ATXN7: variants seen among roughly 807,000 people sequenced by gnomAD.
ATXN7 encodes ataxin-7.
ATXN7 carries 12 observed loss-of-function variants against 70.5 expected under a neutral mutation model. The ratio of observed to expected loss-of-function variants is 0.17; its 90% CI spans 0.11 to 0.28. The LOEUF is 0.28. Ranked by LOEUF, ATXN7 falls within the 10% of genes least tolerant of loss-of-function variation. ATXN7 has a pLI of 1.00. For missense variants in ATXN7, 1,256 were observed against 1,131.7 expected (o/e 1.11, Z -1.58); for synonymous variants, 498 against 448.7 (o/e 1.11, Z -1.39).
intron 1 of ATXN7, among the ~76,000 whole-genome samples, chr3:63,871,834 CATT>C (rs1350262793): frequency 6.0e-5 from 9 of 151,250 alleles, no homozygotes; most frequent in Admixed American, 5.3e-4. Context: ...GATTATTAAA[CATT>C]ATTATAATCT....
chr3:63,868,385 C>T (rs1702497964), intron 1 of ATXN7, among the ~76,000 whole-genome samples: 1 of 152,082 alleles, frequency 6.6e-6, no homozygotes, highest in African/African-American at 2.4e-5. Flanking sequence ...TAGAAGTTTC[C>T]CGTATAAAAG....
chr3:63,928,768 C>T (rs1704819046), intron 4 of ATXN7, among the ~76,000 whole-genome samples: 1 of 152,274 alleles, frequency 6.6e-6, no homozygotes, highest in African/African-American at 2.4e-5. Flanking sequence ...CTTATTTCTG[C>T]ATGTTGAGCT....
rs750860702 is a variant in ATXN7 at position 63,980,127 on chromosome 3, A to C, written c.712A>C (p.Met238Leu). Reference protein sequence around the residue: ...KLQLRGNTRPMHPIQQSRVPH... With the variant: ...KLQLRGNTRPLHPIQQSRVPH... ...GCAGCTCAGGGGGAACACCAGGCCA[A>C]TGCATCCCATTCAGCAAAGTAGAGT... The change falls in exon 6 of 13, where the codon ATG (methionine) becomes CTG (leucine). Residue 238 changes from methionine to leucine, a missense_variant. Coordinates refer to ENST00000674280, the MANE Select transcript of ATXN7 (RefSeq NM_001377405.1). 6.2e-7 allele frequency: 1 copy of C among 1,614,230 alleles called. No individual in the cohort carries two copies. Among genetic ancestry groups the C allele is most frequent in the Admixed American group, 1.7e-5 (1 of 60,022 alleles).
intron 4 of ATXN7, among the ~76,000 whole-genome samples, chr3:63,922,447 G>A (rs1704548581): frequency 6.6e-6 from 1 of 152,188 alleles, no homozygotes; most frequent in Non-Finnish European, 1.5e-5. Flanking sequence ...GAAGCATGAT[G>A]TGGGTATTTA....
chr3:63,899,161 C>G (rs1333866318), intron 2 of ATXN7, among the ~76,000 whole-genome samples: 1 of 151,206 alleles, frequency 6.6e-6, no homozygotes, highest in East Asian at 2.0e-4. Flanking sequence ...CTCCTAGGTT[C>G]AAGTGATTTT....
intron 4 of ATXN7, among the ~76,000 whole-genome samples, chr3:63,940,751 A>G (rs902942115): frequency 4.6e-5 from 7 of 152,170 alleles, no homozygotes; most frequent in Non-Finnish European, 8.8e-5. Flanking sequence ...GGTTAAGTAC[A>G]TTGCTGGAGA....
intron 4 of ATXN7, among the ~76,000 whole-genome samples, chr3:63,917,814 C>G (rs1704343095): frequency 1.3e-5 from 2 of 152,184 alleles, no homozygotes; most frequent in Admixed American, 6.5e-5. Context: ...AATTGAGTCA[C>G]TCTAGTGTGT....
At chr3:63,997,714 TC>T (rs2075782952) in intron 12 of ATXN7, 3 of 1,551,158 alleles carry the variant, frequency 1.9e-6, no homozygotes. Context: ...TGATTTTTTT[TC>T]CCCTTCCTCG....
intron 4 of ATXN7, among the ~76,000 whole-genome samples, chr3:63,935,018 A>G (rs1264044860): frequency 4.6e-5 from 7 of 152,132 alleles, no homozygotes; most frequent in Admixed American, 4.6e-4. Context: ...TGTGCTTGAA[A>G]ACCACAACTT....
intron 9 of ATXN7, among the ~76,000 whole-genome samples, chr3:63,989,193 C>T (rs1464744070): frequency 6.6e-6 from 1 of 152,192 alleles, no homozygotes; most frequent in Admixed American, 6.5e-5. Flanking sequence ...GCTGGAGGAG[C>T]CATCAGAGGA....
chr3:63,924,842 G>A (rs977936237), intron 4 of ATXN7, among the ~76,000 whole-genome samples: 1 of 152,178 alleles, frequency 6.6e-6, no homozygotes, highest in Non-Finnish European at 1.5e-5. Context: ...GCAGTAGCAG[G>A]ATGAAGACAT....
chr3:63,877,504 A>G (rs1262726813), intron 1 of ATXN7, among the ~76,000 whole-genome samples: 2 of 152,260 alleles, frequency 1.3e-5, no homozygotes, highest in Non-Finnish European at 2.9e-5. Flanking sequence ...TGTTGCCTTC[A>G]GGCTGATGAG....
chr3:63,962,624 T>G (rs2075149273), intron 5 of ATXN7, among the ~76,000 whole-genome samples: 1 of 151,806 alleles, frequency 6.6e-6, no homozygotes, highest in South Asian at 2.1e-4. Context: ...AGGCTGGTCT[T>G]GAACTCCTGA....
chr3:63,995,631 A>C lies in ATXN7; in HGVS notation c.1809A>C (p.Pro603=). ...CAGCAGCCACCGTCTCTACATCCCCAGTCCTGCTCTCATCTACCTGCATCT... is the reference window on the plus strand; with the variant it reads ...CAGCAGCCACCGTCTCTACATCCCCCGTCCTGCTCTCATCTACCTGCATCT... ...YLAAATVSTS[P]VLLSSTCISP... Residue 603 remains proline, a synonymous_variant, in exon 12 of 13, where the codon CCA becomes CCC. Coordinates refer to ENST00000674280, the MANE Select transcript of ATXN7 (RefSeq NM_001377405.1). 1 of 1,614,166 alleles carries C rather than the reference A, an allele frequency of 6.2e-7. No homozygotes were observed. Among genetic ancestry groups the C allele is most frequent in the Non-Finnish European group, 8.5e-7 (1 of 1,180,034 alleles).
chr3:63,990,526 A>G (rs2075653198), intron 10 of ATXN7, 152 bp downstream of exon 10: 1 of 1,164,210 alleles, frequency 8.6e-7, no homozygotes, highest in African/African-American at 1.5e-5. Flanking sequence ...CAGAGGCAGC[A>G]CACACTCTGT....
At chr3:63,980,349 T>A in intron 6 of ATXN7, 182 bp downstream of exon 6, 1 of 770,580 alleles carries the variant, frequency 1.3e-6, no homozygotes, top group Non-Finnish European at 2.0e-6. Flanking sequence ...TTCAGAGTAG[T>A]AATAGCAGTG....
chr3:63,941,708 T>C (rs1291505684), intron 4 of ATXN7, among the ~76,000 whole-genome samples: 1 of 152,186 alleles, frequency 6.6e-6, no homozygotes, highest in Non-Finnish European at 1.5e-5. Flanking sequence ...GCTTGCTGAT[T>C]GGTCTCTCGT....
chr3:63,977,713 C>T (rs1213066679), intron 5 of ATXN7, among the ~76,000 whole-genome samples: 3 of 152,050 alleles, frequency 2.0e-5, no homozygotes, highest in Non-Finnish European at 4.4e-5. Flanking sequence ...CAGACGGGCA[C>T]TACTGGTGAA....
chr3:63,923,431 G>T (rs1267557389), intron 4 of ATXN7, among the ~76,000 whole-genome samples: 1 of 152,172 alleles, frequency 6.6e-6, no homozygotes, highest in Non-Finnish European at 1.5e-5. Flanking sequence ...ATGAGTTGGG[G>T]TTAGGGGGAT....
Sources: allele counts gnomAD v4.1 joint callset (sites outside exome capture counted in the v4.1 genomes callset), GRCh38; gene constraint gnomAD v4.1.1; transcripts MANE v1.5; gene names NCBI Gene and HGNC (gene_info 2026-07-23, HGNC 2026-07-21).